SNX29: variants seen among roughly 807,000 people sequenced by gnomAD.
SNX29 encodes sorting nexin-29.
Under a neutral mutation model 102.1 loss-of-function variants are expected in SNX29, and 78 were observed. The ratio of observed to expected loss-of-function variants is 0.76; its 90% CI spans 0.64 to 0.92. The LOEUF is 0.92. Ranked by LOEUF, SNX29 falls within the 40% of genes least tolerant of loss-of-function variation. The pLI is 0.00. For synonymous variants in SNX29, 580 were observed against 414.5 expected (o/e 1.40, Z -4.85); for missense variants, 1,280 against 1,061.7 (o/e 1.21, Z -2.86).
intron 13 of SNX29, among the ~76,000 whole-genome samples, chr16:12,141,484 G>A (rs2054867136): frequency 6.6e-6 from 1 of 152,246 alleles, no homozygotes; most frequent in Non-Finnish European, 1.5e-5. Context: ...AGCAAAAGAA[G>A]GGCTACTCCG....
chr16:12,228,045 G>A (rs1359333201), intron 14 of SNX29, among the ~76,000 whole-genome samples: 1 of 152,040 alleles, frequency 6.6e-6, no homozygotes, highest in Non-Finnish European at 1.5e-5. Flanking sequence ...AGAGACTTAG[G>A]TAGGAGGATC....
chr16:12,379,147 G>C (rs951989235), intron 16 of SNX29, among the ~76,000 whole-genome samples: 8 of 152,116 alleles, frequency 5.3e-5, no homozygotes, highest in African/African-American at 1.9e-4. Flanking sequence ...AATAGATAAT[G>C]AACTTATTTA....
chr16:12,042,040 T>C (rs144798079), intron 4 of SNX29, among the ~76,000 whole-genome samples: 2,133 of 152,244 alleles, frequency 0.014, 39 homozygotes, highest in African/African-American at 0.049. Flanking sequence ...CTTATTTCAT[T>C]ATTGTTTTTG....
intron 14 of SNX29, among the ~76,000 whole-genome samples, chr16:12,267,636 C>T (rs1376021680): frequency 6.6e-6 from 1 of 152,150 alleles, no homozygotes; most frequent in African/African-American, 2.4e-5. Context: ...AGCTGTTGAC[C>T]AGGGCTGTCC....
At chr16:12,053,806 C>T (rs978947484) in intron 8 of SNX29, among the ~76,000 whole-genome samples, 6 of 151,884 alleles carry the variant, frequency 4.0e-5, no homozygotes, top group Admixed American at 6.6e-5. Flanking sequence ...GATTTATACC[C>T]TATATTGTAA....
intron 14 of SNX29, among the ~76,000 whole-genome samples, chr16:12,275,699 T>C (rs1436352540): frequency 6.6e-6 from 1 of 151,986 alleles, no homozygotes; most frequent in East Asian, 1.9e-4. Flanking sequence ...ATTCTTTTTT[T>C]TTTTTTGTGA....
chr16:12,316,404 G>A (rs1301076317), intron 15 of SNX29, among the ~76,000 whole-genome samples: 2 of 152,144 alleles, frequency 1.3e-5, no homozygotes, highest in African/African-American at 4.8e-5. Context: ...TTAGCTGGGC[G>A]TGGTGGCAGG....
chr16:12,124,438 G>GT (rs898995096), intron 11 of SNX29, among the ~76,000 whole-genome samples: 1 of 151,996 alleles, frequency 6.6e-6, no homozygotes, highest in African/African-American at 2.4e-5. Context: ...CAATGGACCA[G>GT]TTTTTTCTTG....
chr16:12,344,844 C>T (rs2081742105), intron 15 of SNX29, among the ~76,000 whole-genome samples: 1 of 152,226 alleles, frequency 6.6e-6, no homozygotes. Flanking sequence ...CAATAGCCGT[C>T]CTCTGCAAGC....
intron 15 of SNX29, among the ~76,000 whole-genome samples, chr16:12,301,298 C>T (rs941137511): frequency 2.6e-5 from 4 of 152,246 alleles, no homozygotes; most frequent in Admixed American, 6.5e-5. Flanking sequence ...AATCCGCCCA[C>T]GCTCTGGCGT....
intron 14 of SNX29, among the ~76,000 whole-genome samples, chr16:12,250,608 T>C (rs1037301340): frequency 6.6e-6 from 1 of 152,174 alleles, no homozygotes; most frequent in African/African-American, 2.4e-5. Context: ...GGGTTGTGTT[T>C]TGGGAGAAGG....
intron 13 of SNX29, among the ~76,000 whole-genome samples, chr16:12,147,354 C>T (rs868724817): frequency 2.0e-5 from 3 of 152,204 alleles, no homozygotes; most frequent in Non-Finnish European, 4.4e-5. Context: ...AAAAAAATTA[C>T]CAAAACCCAT....
chr16:12,145,686 T>A (rs1283930877), intron 13 of SNX29, among the ~76,000 whole-genome samples: 1 of 152,366 alleles, frequency 6.6e-6, no homozygotes, highest in African/African-American at 2.4e-5. Flanking sequence ...ATTCTGAATC[T>A]ATAAATTGAG....
chr16:12,055,233 TTC>T (rs1270250666), intron 8 of SNX29, among the ~76,000 whole-genome samples: 3 of 124,944 alleles, frequency 2.4e-5, no homozygotes, highest in Admixed American at 8.1e-5. Flanking sequence ...TCTGTTTCCT[TTC>T]TTTTTTTTTT....
intron 13 of SNX29, among the ~76,000 whole-genome samples, chr16:12,153,461 C>CAA (rs367696237): frequency 3.3e-4 from 46 of 140,546 alleles, no homozygotes; most frequent in African/African-American, 1.0e-3. Context: ...ATCTTTGTCT[C>CAA]AAAAAAAAAA....
At chr16:12,133,778 A>G (rs2054559247) in intron 13 of SNX29, among the ~76,000 whole-genome samples, 1 of 152,224 alleles carries the variant, frequency 6.6e-6, no homozygotes, top group South Asian at 2.1e-4. Flanking sequence ...GTTCTATTTT[A>G]ACAGCGATAG....
intron 3 of SNX29, among the ~76,000 whole-genome samples, chr16:12,006,212 T>C (rs1471955895): frequency 6.7e-6 from 1 of 148,410 alleles, no homozygotes; most frequent in Admixed American, 6.7e-5. Context: ...TCTAAAATAA[T>C]AATAATAATA....
intron 3 of SNX29, among the ~76,000 whole-genome samples, chr16:12,006,228 A>AATT (rs1292060105): frequency 1.3e-5 from 2 of 151,080 alleles, no homozygotes; most frequent in East Asian, 3.9e-4. Flanking sequence ...TAATAATAAT[A>AATT]ATAATAGCCA....
chr16:12,043,090 G>T lies in SNX29; in HGVS notation c.428+13G>T, dbSNP rs1354662125. The T allele has an allele frequency of 2.5e-6, 4 of 1,612,416 alleles. No individual in the cohort carries two copies. The East Asian group carries it at 6.7e-5, about 27-fold the overall frequency. On this transcript the variant is annotated intron_variant, in intron 5 of 20. Transcript: ENST00000566228. ...GCTGCAGGCTGAGGTACGTGGCCGGGATGCGAACTGGGATGGGATGGAGCA... is the reference window on the plus strand; with the variant it reads ...GCTGCAGGCTGAGGTACGTGGCCGGTATGCGAACTGGGATGGGATGGAGCA...
Sources: gnomAD v4.1 joint callset for allele counts (sites outside exome capture counted in the v4.1 genomes callset) on GRCh38, gnomAD v4.1.1 for gene constraint, MANE v1.5 for transcripts, NCBI Gene and HGNC (gene_info 2026-07-23, HGNC 2026-07-21) for gene names.